Variants in GRIN2B observed in about 807,000 individuals in gnomAD.
GRIN2B encodes the protein glutamate receptor ionotropic, NMDA 2B.
A neutral mutation model predicts 114.5 loss-of-function variants in GRIN2B; 5 were observed. The ratio of observed to expected loss-of-function variants is 0.04; its 90% CI spans 0.02 to 0.09. The LOEUF (loss-of-function observed/expected upper bound fraction) is 0.09. Ranked by LOEUF, GRIN2B falls within the 10% of genes least tolerant of loss-of-function variation. The probability of loss-of-function intolerance (pLI) is 1.00; values close to 1 mark genes in which losing one functional copy is unlikely to be tolerated. For missense variants in GRIN2B, 1,108 were observed against 1,943.5 expected (o/e 0.57, Z 8.08); for synonymous variants, 787 against 745.1 (o/e 1.06, Z -0.92).
intron 2 of GRIN2B, among the ~76,000 whole-genome samples, chr12:13,961,871 G>A (rs1448479397): frequency 6.6e-6 from 1 of 152,134 alleles, no homozygotes; most frequent in Non-Finnish European, 1.5e-5. Context: ...AGGCACATAT[G>A]AGACAAAGGA....
Position 13,539,616 on chromosome 12 carries a change from T to C in GRIN2B, c.*23167A>G, listed in dbSNP as rs1173584394. The C allele has an allele frequency of 1.3e-5, 2 of 150,822 alleles. No homozygotes were observed. Among genetic ancestry groups the C allele is most frequent in the Admixed American group, 6.6e-5 (1 of 15,170 alleles). The allele number at this position is 150,822 out of a possible 1,614,324, so 9.3% of individuals were successfully genotyped here. On this transcript the variant is annotated 3_prime_UTR_variant, in exon 14 of 14. Coordinates refer to ENST00000609686, the MANE Select transcript of GRIN2B (RefSeq NM_000834.5). Reference sequence around the variant, plus strand: ...CACCTCCAAGCAATGGAAGTATGCATTAAAGAGTAAAACAATTACCAATTT... The same window carrying C: ...CACCTCCAAGCAATGGAAGTATGCACTAAAGAGTAAAACAATTACCAATTT...
chr12:13,794,875 C>T (rs1431845965), intron 3 of GRIN2B, among the ~76,000 whole-genome samples: 1 of 152,196 alleles, frequency 6.6e-6, no homozygotes, highest in Admixed American at 6.5e-5. Flanking sequence ...TCCTGGGCAT[C>T]GAAGCCAGAC....
Position 13,615,645 on chromosome 12 carries a change from G to T in GRIN2B, c.1348C>A (p.Pro450Thr). 6.2e-7 allele frequency: 1 copy of T among 1,613,234 alleles called. No homozygotes were observed. Among genetic ancestry groups the T allele is most frequent in the Non-Finnish European group, 8.5e-7 (1 of 1,179,348 alleles). ...TTGCAGCATTTTTTGATGTAACCCGGCTCCTCGTCTGTTTTATTCCTAGCC... is the reference window on the plus strand; with the variant it reads ...TTGCAGCATTTTTTGATGTAACCCGTCTCCTCGTCTGTTTTATTCCTAGCC... ...IVTENKTDEE[P>T]GYIKKCCKGF... Residue 450 changes from proline (P) to threonine (T), a missense_variant, in exon 7 of 14, where the codon CCG (proline) becomes ACG (threonine). Physicochemically the swap from Pro to Thr is conservative, Grantham distance 38 (BLOSUM62 -1). Coordinates refer to ENST00000609686, the MANE Select transcript of GRIN2B (RefSeq NM_000834.5). The surrounding 1 kb of genome is among the most constrained non-coding windows in gnomAD (Gnocchi z 5.8).
chr12:13,618,974 G>A (rs1949482062), intron 5 of GRIN2B, among the ~76,000 whole-genome samples: 1 of 108,058 alleles, frequency 9.3e-6, no homozygotes, highest in Non-Finnish European at 2.0e-5. Flanking sequence ...TTTAAAATCT[G>A]TACCCAAAAA....
chr12:13,847,504 G>C (rs570765029), intron 3 of GRIN2B, among the ~76,000 whole-genome samples: 3 of 152,152 alleles, frequency 2.0e-5, no homozygotes, highest in African/African-American at 7.2e-5. Flanking sequence ...ACTAATGCCA[G>C]GTCCAAAGGT....
At chr12:13,656,488 A>G (rs1227377204) in intron 5 of GRIN2B, among the ~76,000 whole-genome samples, 1 of 152,246 alleles carries the variant, frequency 6.6e-6, no homozygotes, top group Non-Finnish European at 1.5e-5. Flanking sequence ...CAACTGCACA[A>G]AGCAAAGAGA....
chr12:13,775,784 A>G (rs921509959), intron 3 of GRIN2B, among the ~76,000 whole-genome samples: 6 of 152,164 alleles, frequency 3.9e-5, no homozygotes, highest in Non-Finnish European at 7.4e-5. Context: ...TTTAATTTCT[A>G]TAGGATTACA....
At chr12:13,676,206 G>T (rs1451470564) in intron 4 of GRIN2B, among the ~76,000 whole-genome samples, 1 of 152,108 alleles carries the variant, frequency 6.6e-6, no homozygotes, top group Non-Finnish European at 1.5e-5. Flanking sequence ...AGTGGGGAGA[G>T]GGAGAGCATC....
intron 3 of GRIN2B, among the ~76,000 whole-genome samples, chr12:13,835,320 G>A (rs1459813758): frequency 1.3e-5 from 2 of 152,120 alleles, no homozygotes; most frequent in Non-Finnish European, 2.9e-5. Flanking sequence ...AGAAAAAGCT[G>A]AGGCGCATGC....
intron 11 of GRIN2B, 73 bp downstream of exon 11, chr12:13,571,731 C>T: frequency 7.1e-7 from 1 of 1,400,360 alleles, no homozygotes; most frequent in Non-Finnish European, 1.0e-6. Flanking sequence ...ATACCTAGTG[C>T]ATGTGATTCA....
At chr12:13,602,835 T>C (rs1448283389) in intron 10 of GRIN2B, among the ~76,000 whole-genome samples, 5 of 152,168 alleles carry the variant, frequency 3.3e-5, no homozygotes, top group African/African-American at 1.2e-4. Context: ...TTTTTGACAT[T>C]TGAAAGTTAA....
At chr12:13,980,745 C>G (rs1284788447) in intron 1 of GRIN2B, among the ~76,000 whole-genome samples, 4 of 152,220 alleles carry the variant, frequency 2.6e-5, no homozygotes, top group African/African-American at 9.6e-5. Flanking sequence ...AGTGCGGCCC[C>G]CAGCCCCATC....
intron 3 of GRIN2B, among the ~76,000 whole-genome samples, chr12:13,842,954 T>C (rs1351561013): frequency 6.7e-6 from 1 of 148,604 alleles, no homozygotes; most frequent in Non-Finnish European, 1.5e-5. Flanking sequence ...AATCTTATTG[T>C]TTTCAAAACA....
chr12:13,751,566 A>AT (rs1425577094), intron 4 of GRIN2B, among the ~76,000 whole-genome samples: 1 of 152,114 alleles, frequency 6.6e-6, no homozygotes, highest in Non-Finnish European at 1.5e-5. Flanking sequence ...CATCTAGGAA[A>AT]TTTTTATTTT....
Position 13,563,496 on chromosome 12 carries a change from C to A in GRIN2B, c.3742G>T (p.Ala1248Ser). 1 of 1,614,162 alleles carries A rather than the reference C, an allele frequency of 6.2e-7. No homozygotes were observed. Reference sequence around the variant, plus strand: ...TCACTGATGTCATACAGGTTGCCTGCTTTCTTGCAAGCCTCACACCGGATG... The same window carrying A: ...TCACTGATGTCATACAGGTTGCCTGATTTCTTGCAAGCCTCACACCGGATG... ...ACIRCEACKK[A>S]GNLYDISEDN... Residue 1248 changes from alanine to serine, a missense_variant, in exon 14 of 14, where the codon GCA (alanine) becomes TCA (serine). By Grantham distance (99) the Ala-to-Ser change is moderately conservative. Around this residue, in one of 19 missense-constraint regions of GRIN2B, gnomAD observed 478 missense variants for 506.0 expected, o/e 0.94. Transcript: ENST00000609686.
chr12:13,624,759 T>C (rs2136490964), intron 5 of GRIN2B, among the ~76,000 whole-genome samples: 1 of 152,260 alleles, frequency 6.6e-6, no homozygotes, highest in Non-Finnish European at 1.5e-5. Context: ...TCCATTGCCA[T>C]CTCGGGCCTC....
intron 4 of GRIN2B, among the ~76,000 whole-genome samples, chr12:13,693,758 G>A (rs1337414600): frequency 3.9e-5 from 6 of 152,094 alleles, no homozygotes; most frequent in South Asian, 2.1e-4. Context: ...CCCCTTCTCC[G>A]GTGACTCCCC....
chr12:13,771,462 A>G (rs1252863917), intron 3 of GRIN2B, among the ~76,000 whole-genome samples: 2 of 152,206 alleles, frequency 1.3e-5, no homozygotes, highest in Non-Finnish European at 2.9e-5. Flanking sequence ...TTCAAAACAG[A>G]GCAGAAGCAT....
rs71067738 is a variant in GRIN2B at position 13,927,982 on chromosome 12, A to AAAAAAAAAAAAAAAAAAAAAAAAAG, written c.-19+51945_-19+51946insCTTTTTTTTTTTTTTTTTTTTTTTT. 3.9e-4 allele frequency among the ~76,000 whole-genome samples: 51 copies of AAAAAAAAAAAAAAAAAAAAAAAAAG among 129,788 alleles called. 4 individuals are homozygous for AAAAAAAAAAAAAAAAAAAAAAAAAG. The highest frequency in any genetic ancestry group is 6.6e-4 in the Non-Finnish European group (40 of 60,384). The allele number at this position is 129,788 out of a possible 152,430, so 85.1% of individuals were successfully genotyped here. On this transcript the variant is annotated intron_variant, in intron 2 of 13. Transcript: ENST00000609686. ...ACCCTGTCTCAAAAAAAAAAAAAAA[A>AAAAAAAAAAAAAAAAAAAAAAAAAG]GGGGGGGTATGCTGTGGAAAGGATG...
Sources: allele counts gnomAD v4.1 joint callset (sites outside exome capture counted in the v4.1 genomes callset), GRCh38; gene constraint gnomAD v4.1.1; regional missense constraint gnomAD v4.1.1; non-coding constraint Gnocchi (gnomAD v3.1); transcripts MANE v1.5; gene names NCBI Gene and HGNC (gene_info 2026-07-23, HGNC 2026-07-21).